The following B4GALT5 variants were observed in gnomAD, a reference collection of about 807,000 sequenced individuals.
B4GALT5 encodes beta-1,4-galactosyltransferase 5.
B4GALT5 carries 11 observed loss-of-function variants against 45.0 expected under a neutral mutation model. The observed-to-expected ratio is 0.24, with a 90% confidence interval of 0.15 to 0.40. B4GALT5 has a LOEUF of 0.40. Ranked by LOEUF, B4GALT5 falls within the 10% of genes least tolerant of loss-of-function variation. B4GALT5 has a pLI of 1.00. For synonymous variants in B4GALT5, 185 were observed against 182.9 expected (o/e 1.01, Z -0.09); for missense variants, 337 against 500.2 (o/e 0.67, Z 3.11).
At chr20:49,672,232 G>A (rs942202342) in intron 1 of B4GALT5, among the ~76,000 whole-genome samples, 1 of 152,090 alleles carries the variant, frequency 6.6e-6, no homozygotes, top group Non-Finnish European at 1.5e-5. Context: ...ACAGACTAAT[G>A]GGTTATCTAC....
chr20:49,697,463 T>C (rs1032387748), intron 1 of B4GALT5, among the ~76,000 whole-genome samples: 1 of 152,226 alleles, frequency 6.6e-6, no homozygotes, highest in African/African-American at 2.4e-5. Flanking sequence ...AACCCTCCTC[T>C]ACCTCATACC....
chr20:49,640,506 C>G lies in B4GALT5; in HGVS notation c.766G>C (p.Ala256Pro), dbSNP rs766281878. The G allele has an allele frequency of 6.2e-7, 1 of 1,607,864 alleles. No homozygotes were observed. Among genetic ancestry groups the G allele is most frequent in the South Asian group, 1.1e-5 (1 of 89,294 alleles). ...TACATATACTTATCCAATTTGGTTG[C>G]AAAATGCCTCGGCATCTGTCCACAT... ...YGCGQMPRHF[A>P]TKLDKYMYLL... The change falls in exon 6 of 9, where the codon GCA (alanine) becomes CCA (proline). Residue 256 changes from alanine (A) to proline (P), a missense_variant. Coordinates refer to ENST00000371711, the MANE Select transcript of B4GALT5 (RefSeq NM_004776.4).
chr20:49,689,853 T>C (rs2085802884), intron 1 of B4GALT5, among the ~76,000 whole-genome samples: 1 of 152,204 alleles, frequency 6.6e-6, no homozygotes, highest in Non-Finnish European at 1.5e-5. Flanking sequence ...AGTCAATCCC[T>C]ACCCTTATTT....
intron 1 of B4GALT5, among the ~76,000 whole-genome samples, chr20:49,665,168 A>G (rs1472168328): frequency 6.6e-6 from 1 of 151,994 alleles, no homozygotes. Context: ...CTGTAATCCC[A>G]GCAGTTTGGG....
chr20:49,711,239 T>C (rs1049132484), intron 1 of B4GALT5, among the ~76,000 whole-genome samples: 11 of 148,456 alleles, frequency 7.4e-5, no homozygotes, highest in African/African-American at 2.7e-4. Context: ...AATGAAAATG[T>C]AAGTGCTCTG....
intron 1 of B4GALT5, among the ~76,000 whole-genome samples, chr20:49,694,909 A>C (rs2085832407): frequency 6.6e-6 from 1 of 152,142 alleles, no homozygotes; most frequent in Non-Finnish European, 1.5e-5. Flanking sequence ...TGCCACACAC[A>C]TCTGATGTTA....
rs2085558113 is a variant in B4GALT5, at chr20:49,637,269, A to G, written c.1019+72T>C. 22 of 1,365,798 alleles carry G rather than the reference A, an allele frequency of 1.6e-5. No individual in the cohort carries two copies. The Admixed American group carries it at 3.7e-4, about 23-fold the overall frequency. 84.6% of individuals were successfully genotyped at this position (1,365,798 alleles called of 1,614,324 possible). On this transcript the variant is annotated intron_variant, in intron 8 of 8. Transcript: ENST00000371711. Reference sequence around the variant, plus strand: ...GGTGGGGAGTAGGAGAAGGGGCTGTAATATGCTCTAAGATATCCGGACATG... The same window carrying G: ...GGTGGGGAGTAGGAGAAGGGGCTGTGATATGCTCTAAGATATCCGGACATG...
intron 1 of B4GALT5, among the ~76,000 whole-genome samples, chr20:49,692,484 A>C (rs1158931355): frequency 2.0e-5 from 3 of 152,172 alleles, no homozygotes; most frequent in African/African-American, 7.2e-5. Context: ...AAAACAAAAC[A>C]AAAACAATAG....
At chr20:49,643,773 A>G in intron 3 of B4GALT5, 123 bp from the exon 4 acceptor site, 1 of 1,054,786 alleles carries the variant, frequency 9.5e-7, no homozygotes, top group Non-Finnish European at 1.4e-6. Flanking sequence ...GCAAGGATGG[A>G]AGTCCCTTCC....
rs2085550737 is a variant in B4GALT5, at chr20:49,635,799, T to G, written c.*513A>C. Reference sequence around the variant, plus strand: ...AATCCCCACCCAAAGAAGGTAATTTTTTAAAAAAATGAAACCAAAGAGAAC... The same window carrying G: ...AATCCCCACCCAAAGAAGGTAATTTGTTAAAAAAATGAAACCAAAGAGAAC... On this transcript the variant is annotated 3_prime_UTR_variant, in exon 9 of 9. Coordinates refer to ENST00000371711, the MANE Select transcript of B4GALT5 (RefSeq NM_004776.4). 6.5e-6 allele frequency: 1 copy of G among 152,726 alleles called. No individual in the cohort carries two copies. The highest frequency in any genetic ancestry group is 1.5e-5 in the Non-Finnish European group (1 of 68,312). The allele number at this position is 152,726 out of a possible 1,614,324, so 9.5% of individuals were successfully genotyped here.
At chr20:49,665,813 C>T (rs1460479526) in intron 1 of B4GALT5, among the ~76,000 whole-genome samples, 2 of 150,436 alleles carry the variant, frequency 1.3e-5, no homozygotes, top group African/African-American at 4.9e-5. Context: ...GAAAGAAGAG[C>T]ACTGAAGCAG....
chr20:49,713,619 G>A lies in B4GALT5; in HGVS notation c.72C>T (p.Leu24=), dbSNP rs773822468. 2 of 1,589,688 alleles carry A rather than the reference G, an allele frequency of 1.3e-6. No homozygotes were observed. The highest frequency in any genetic ancestry group is 1.7e-6 in the Non-Finnish European group (2 of 1,169,838). The change falls in exon 1 of 9, where the codon CTC becomes CTT. Residue 24 remains leucine, a synonymous_variant. Transcript: ENST00000371711. ...SLLAALFFFS[L]SSSLLYFVYV... is the part of the protein sequence containing the mutation. The stretch of plus-strand genomic sequence containing the variant: ...AGACGAAGTACAGCAGCGAGGACGA[G>A]AGAGAAAAGAAGAAGAGCGCGGCGA...
chr20:49,648,014 CTCAACCTTCCTTTAATCA>C, intron 2 of B4GALT5, among the ~76,000 whole-genome samples: 1 of 152,166 alleles, frequency 6.6e-6, no homozygotes, highest in East Asian at 1.9e-4. Flanking sequence ...CTCAACTTTA[CTCAACCTTCCTTTAATCA>C]TCATCTCTGC....
chr20:49,658,261 A>C (rs759682499), intron 1 of B4GALT5, among the ~76,000 whole-genome samples: 8 of 152,224 alleles, frequency 5.3e-5, no homozygotes, highest in Non-Finnish European at 1.2e-4. Context: ...AAGCAGGAGT[A>C]ACACCTCATT....
At chr20:49,702,231 G>C (rs1340687086) in intron 1 of B4GALT5, among the ~76,000 whole-genome samples, 1 of 152,052 alleles carries the variant, frequency 6.6e-6, no homozygotes, top group African/African-American at 2.4e-5. Context: ...AAAGAAAACA[G>C]CTTCAAACTT....
At chr20:49,683,075 C>A (rs1447274689) in intron 1 of B4GALT5, among the ~76,000 whole-genome samples, 1 of 148,588 alleles carries the variant, frequency 6.7e-6, no homozygotes, top group South Asian at 2.2e-4. Context: ...GCCTGGTTAA[C>A]AGAGTGGGAG....
intron 1 of B4GALT5, among the ~76,000 whole-genome samples, chr20:49,707,050 G>A (rs907388647): frequency 6.6e-6 from 1 of 152,118 alleles, no homozygotes; most frequent in Non-Finnish European, 1.5e-5. Context: ...AGCTGGGGCG[G>A]GGGGAGTTGA....
intron 1 of B4GALT5, among the ~76,000 whole-genome samples, chr20:49,701,425 A>G (rs1426728295): frequency 1.3e-5 from 2 of 152,008 alleles, no homozygotes; most frequent in Non-Finnish European, 2.9e-5. Context: ...AGATTTTTCT[A>G]TTTCCTCATT....
chr20:49,640,378 G>A lies in B4GALT5; in HGVS notation c.794+100C>T, dbSNP rs184704391. 2.8e-6 allele frequency: 3 copies of A among 1,077,068 alleles called. No individual in the cohort carries two copies. In the East Asian group the frequency reaches 7.8e-5, roughly 28 times the overall value. The allele number at this position is 1,077,068 out of a possible 1,614,324, so 66.7% of individuals were successfully genotyped here. ...ACACATTTTGTTTATCCATCCATCA[G>A]TTGATGGGCATCTAGGTTGCAGCTA... is the stretch of plus-strand genomic sequence containing the variant. On this transcript the variant is annotated intron_variant, in intron 6 of 8. Transcript: ENST00000371711.
Sources: gnomAD v4.1 joint callset for allele counts (sites outside exome capture counted in the v4.1 genomes callset) on GRCh38, gnomAD v4.1.1 for gene constraint, MANE v1.5 for transcripts, NCBI Gene and HGNC (gene_info 2026-07-23, HGNC 2026-07-21) for gene names.